The following CDK14 variants were observed in gnomAD, a reference collection of about 807,000 sequenced individuals.
CDK14 encodes cyclin dependent kinase 14, also known as cyclin-dependent kinase 14.
In CDK14, 34 loss-of-function variants were observed where a neutral mutation model predicts 60.7. The observed-to-expected ratio is 0.56, with a 90% CI of 0.43 to 0.75. CDK14 has a LOEUF of 0.75. CDK14 is among the 30% of genes least tolerant of loss of function. CDK14 has a pLI of 0.00. For missense variants in CDK14, 482 were observed against 564.1 expected (o/e 0.85, Z 1.47); for synonymous variants, 197 against 203.7 (o/e 0.97, Z 0.28).
At position 91,096,691 on chromosome 7, in the gene CDK14, G is replaced by A. The variant is rs369637610; in HGVS notation, c.1155-15851G>A. Reference sequence around the variant, plus strand: ...AGTCTTGTTTTCTCCTCTTTTAATGGAAGTGCTGGGTGCAGCAGACTTTAT... The same window carrying A: ...AGTCTTGTTTTCTCCTCTTTTAATGAAAGTGCTGGGTGCAGCAGACTTTAT... On this transcript the variant is annotated intron_variant, in intron 12 of 14. Transcript: ENST00000380050. 5.1e-4 allele frequency among the ~76,000 whole-genome samples: 77 copies of A among 152,106 alleles called. 4 individuals are homozygous for A. The South Asian group carries it at 0.016, about 32-fold the overall frequency.
At chr7:90,950,400 G>T (rs1794221318) in intron 8 of CDK14, among the ~76,000 whole-genome samples, 1 of 152,188 alleles carries the variant, frequency 6.6e-6, no homozygotes, top group Non-Finnish European at 1.5e-5. Context: ...AATAAAGGTA[G>T]ATCATTTATT....
intron 3 of CDK14, among the ~76,000 whole-genome samples, chr7:90,731,260 G>A (rs1034452357): frequency 6.6e-5 from 10 of 152,150 alleles, no homozygotes; most frequent in African/African-American, 2.4e-4. Flanking sequence ...CTGTAGCCTT[G>A]TAGTATAGTT....
chr7:90,989,179 C>T (rs575938681), intron 10 of CDK14, among the ~76,000 whole-genome samples: 53 of 152,152 alleles, frequency 3.5e-4, no homozygotes, highest in South Asian at 2.3e-3. Context: ...CACATGGCTC[C>T]GATTCCAGGG....
At chr7:90,868,686 AC>A (rs1229099501) in intron 6 of CDK14, among the ~76,000 whole-genome samples, 1 of 152,210 alleles carries the variant, frequency 6.6e-6, no homozygotes, top group African/African-American at 2.4e-5. Flanking sequence ...ATAGTGTTGT[AC>A]ATTCTACAAA....
intron 5 of CDK14, among the ~76,000 whole-genome samples, chr7:90,824,258 GT>G (rs35884222): frequency 0.72 from 109,299 of 151,930 alleles, 39,530 homozygotes; most frequent in East Asian, 0.88. Context: ...TCTGGGAAGA[GT>G]TAGCTGCCAG....
At chr7:90,828,281 G>T (rs1789792651) in intron 5 of CDK14, among the ~76,000 whole-genome samples, 1 of 152,200 alleles carries the variant, frequency 6.6e-6, no homozygotes, top group African/African-American at 2.4e-5. Flanking sequence ...CCTGTTGGAG[G>T]TCTGCCATGT....
At chr7:90,608,903 C>G (rs747097485) in intron 2 of CDK14, among the ~76,000 whole-genome samples, 1 of 152,190 alleles carries the variant, frequency 6.6e-6, no homozygotes, top group African/African-American at 2.4e-5. Flanking sequence ...AACTTGCTTA[C>G]TTTACATTTA....
chr7:91,157,251 C>T (rs1320429722), intron 14 of CDK14, among the ~76,000 whole-genome samples: 2 of 152,202 alleles, frequency 1.3e-5, no homozygotes, highest in Non-Finnish European at 2.9e-5. Context: ...ACTCGGGCCG[C>T]AATCAGCTTA....
At chr7:90,918,079 A>G (rs904156346) in intron 8 of CDK14, among the ~76,000 whole-genome samples, 1 of 152,172 alleles carries the variant, frequency 6.6e-6, no homozygotes, top group East Asian at 1.9e-4. Context: ...AATATACTCA[A>G]AAGGAAAAAA....
At chr7:90,972,833 G>A (rs1029637033) in intron 9 of CDK14, among the ~76,000 whole-genome samples, 15 of 151,928 alleles carry the variant, frequency 9.9e-5, no homozygotes, top group South Asian at 4.1e-4. Flanking sequence ...TTACATTATC[G>A]CCCCTCAGTA....
At chr7:90,684,631 A>G (rs13242921) in intron 2 of CDK14, among the ~76,000 whole-genome samples, 25,996 of 152,166 alleles carry the variant, frequency 0.17, 2,387 homozygotes, top group Non-Finnish European at 0.2. Flanking sequence ...CCATATAGGT[A>G]AACAACTTCA....
chr7:90,846,335 C>T (rs1371731568), intron 5 of CDK14, among the ~76,000 whole-genome samples: 2 of 152,206 alleles, frequency 1.3e-5, no homozygotes, highest in Non-Finnish European at 2.9e-5. Context: ...GTTACACTCT[C>T]ATGCACTTAC....
chr7:90,619,733 C>T (rs1411163836), intron 2 of CDK14, among the ~76,000 whole-genome samples: 1 of 152,300 alleles, frequency 6.6e-6, no homozygotes, highest in Admixed American at 6.5e-5. Context: ...CGGTGGCTCA[C>T]ACCTGTAATC....
At chr7:90,789,383 AT>A (rs1805732338) in intron 4 of CDK14, among the ~76,000 whole-genome samples, 1 of 152,158 alleles carries the variant, frequency 6.6e-6, no homozygotes, top group Non-Finnish European at 1.5e-5. Flanking sequence ...TGATACATAT[AT>A]ATGTAAGTCT....
intron 5 of CDK14, among the ~76,000 whole-genome samples, chr7:90,855,251 A>G (rs1790783932): frequency 6.6e-6 from 1 of 152,230 alleles, no homozygotes; most frequent in South Asian, 2.1e-4. Flanking sequence ...ATAGAAAAAG[A>G]GATCCTTAAT....
intron 2 of CDK14, among the ~76,000 whole-genome samples, chr7:90,643,916 T>C (rs1271675435): frequency 6.6e-6 from 1 of 152,206 alleles, no homozygotes; most frequent in East Asian, 1.9e-4. Flanking sequence ...GGAATTGGTA[T>C]GGACTGAATT....
At chr7:90,782,074 G>A (rs1224140932) in intron 4 of CDK14, among the ~76,000 whole-genome samples, 1 of 152,004 alleles carries the variant, frequency 6.6e-6, no homozygotes, top group Non-Finnish European at 1.5e-5. Flanking sequence ...CCATTTGTTT[G>A]TATCCTCTTT....
chr7:91,090,693 A>G (rs964811229), intron 12 of CDK14, among the ~76,000 whole-genome samples: 4 of 152,154 alleles, frequency 2.6e-5, no homozygotes, highest in Non-Finnish European at 4.4e-5. Context: ...TCCAAATCCT[A>G]TGACTCTGCC....
intron 2 of CDK14, among the ~76,000 whole-genome samples, chr7:90,620,749 T>C (rs1417412195): frequency 6.6e-6 from 1 of 152,168 alleles, no homozygotes; most frequent in African/African-American, 2.4e-5. Flanking sequence ...ATCCTCCACA[T>C]GAGTCCTCAC....
Sources: gnomAD v4.1 joint callset for allele counts (sites outside exome capture counted in the v4.1 genomes callset) on GRCh38, gnomAD v4.1.1 for gene constraint, MANE v1.5 for transcripts, NCBI Gene and HGNC (gene_info 2026-07-23, HGNC 2026-07-21) for gene names.